FNIP1: variants seen among roughly 807,000 people sequenced by gnomAD.
FNIP1 encodes folliculin-interacting protein 1.
In FNIP1, 40 loss-of-function variants were observed where a neutral mutation model predicts 124.5. That is an observed-to-expected ratio of 0.32 (90% confidence interval 0.25 to 0.42). The LOEUF (loss-of-function observed/expected upper bound fraction) is 0.42, where lower values mean the gene tolerates loss of function less well. Ranked by LOEUF, FNIP1 falls within the 10% of genes least tolerant of loss-of-function variation. The probability of loss-of-function intolerance (pLI) is 1.00; values close to 1 mark genes in which losing one functional copy is unlikely to be tolerated. For missense variants in FNIP1, 1,176 were observed against 1,403.7 expected, an observed-to-expected ratio of 0.84 and a Z score of 2.59; for synonymous variants, 472 against 470.6, an observed-to-expected ratio of 1.00 and a Z score of -0.04.
intron 1 of FNIP1, among the ~76,000 whole-genome samples, chr5:131,780,447 T>C (rs540315852): frequency 6.6e-6 from 1 of 152,308 alleles, no homozygotes; most frequent in South Asian, 2.1e-4. Flanking sequence ...TATTGCACTT[T>C]GCAGATACCA....
At chr5:131,746,514 A>G (rs999644658) in intron 1 of FNIP1, among the ~76,000 whole-genome samples, 1 of 152,164 alleles carries the variant, frequency 6.6e-6, no homozygotes, top group Non-Finnish European at 1.5e-5. Context: ...CTTATAACTG[A>G]GAACATGCGG....
intron 11 of FNIP1, among the ~76,000 whole-genome samples, chr5:131,688,703 A>T (rs569568788): frequency 4.8e-5 from 1 of 20,962 alleles, no homozygotes; most frequent in African/African-American, 7.6e-5. Context: ...GCTAGCAATT[A>T]AAAAAAAAAA....
intron 15 of FNIP1, among the ~76,000 whole-genome samples, chr5:131,668,625 C>T (rs1767666507): frequency 6.6e-6 from 1 of 152,192 alleles, no homozygotes; most frequent in South Asian, 2.1e-4. Flanking sequence ...GCAGAAGTTA[C>T]TGTAAGCTGA....
intron 6 of FNIP1, among the ~76,000 whole-genome samples, chr5:131,711,995 G>A (rs1307891514): frequency 6.6e-6 from 1 of 151,884 alleles, no homozygotes; most frequent in Non-Finnish European, 1.5e-5. Flanking sequence ...TAAAACTTTT[G>A]TTTCCTAGAG....
chr5:131,676,045 A>G (rs972436288), intron 13 of FNIP1, among the ~76,000 whole-genome samples: 2 of 150,492 alleles, frequency 1.3e-5, no homozygotes, highest in South Asian at 4.2e-4. Flanking sequence ...TTTTTGAGAC[A>G]GAGTCTTGCA....
At chr5:131,700,285 A>G (rs1227532514) in intron 10 of FNIP1, among the ~76,000 whole-genome samples, 1 of 152,064 alleles carries the variant, frequency 6.6e-6, no homozygotes, top group Non-Finnish European at 1.5e-5. Flanking sequence ...CCTGGCCAAT[A>G]TTTGCTTTCT....
rs1317919562 is a variant in FNIP1, at chr5:131,679,023, T to C, written c.1349+6A>G. 3.1e-6 allele frequency: 5 copies of C among 1,591,584 alleles called. No homozygotes were observed. Among genetic ancestry groups the C allele is most frequent in the Non-Finnish European group, 4.3e-6 (5 of 1,166,812 alleles). ...AGATATCTAGTTATAATAAATAAAT[T>C]CATACTGATTTTTGGAAGCATTTTC... On this transcript the variant is annotated splice_donor_region_variant and intron_variant, in intron 12 of 17. Transcript: ENST00000510461.
chr5:131,785,081 T>TATATATATGACTATATATATATC (rs1772139373), intron 1 of FNIP1, among the ~76,000 whole-genome samples: 2 of 12,088 alleles, frequency 1.7e-4, no homozygotes, highest in East Asian at 8.2e-4. Context: ...ATATATGACA[T>TATATATATGACTATATATATATC]ATATATATGA....
At chr5:131,680,713 A>C (rs1768051953) in intron 11 of FNIP1, among the ~76,000 whole-genome samples, 1 of 152,214 alleles carries the variant, frequency 6.6e-6, no homozygotes, top group African/African-American at 2.4e-5. Context: ...TTAAGCCCAG[A>C]GTTCAAAACC....
At position 131,796,844 on chromosome 5, in the gene FNIP1, T is replaced by C; in HGVS notation, c.78A>G (p.Pro26=). Residue 26 remains proline, a synonymous_variant, in exon 1 of 18, where the codon CCA becomes CCG. Transcript: ENST00000510461. ...LGAPGRDARD[P]DCGFSWPLPE... The stretch of plus-strand genomic sequence containing the variant: ...CAGCGCCCTACCTGAACCCGCAATC[T>C]GGGTCCCGGGCGTCGCGGCCGGGCG... 2 of 1,597,158 alleles carry C rather than the reference T, an allele frequency of 1.3e-6. No homozygotes were observed. Among genetic ancestry groups the C allele is most frequent in the Non-Finnish European group, 1.7e-6 (2 of 1,172,568 alleles).
At chr5:131,754,484 C>T (rs1770979923) in intron 1 of FNIP1, among the ~76,000 whole-genome samples, 1 of 152,252 alleles carries the variant, frequency 6.6e-6, no homozygotes, top group South Asian at 2.1e-4. Flanking sequence ...GGCAGTCTTT[C>T]AGTCCATTAT....
At position 131,704,055 on chromosome 5, in the gene FNIP1, C is replaced by T. The variant is rs753157152; in HGVS notation, c.1116+10G>A. Reference sequence around the variant, plus strand: ...AAAAGGAAAATACATAAATAAATAACTATGCTTACCTGTTCTATTGCACTC... The same window carrying T: ...AAAAGGAAAATACATAAATAAATAATTATGCTTACCTGTTCTATTGCACTC... On this transcript the variant is annotated intron_variant, in intron 10 of 17. Coordinates refer to ENST00000510461, the MANE Select transcript of FNIP1 (RefSeq NM_133372.3). 2.9e-5 allele frequency: 45 copies of T among 1,565,498 alleles called. No individual in the cohort carries two copies. In the Middle Eastern group the frequency reaches 5.9e-4, roughly 21 times the overall value.
chr5:131,646,717 G>A (rs371292948), intron 17 of FNIP1, among the ~76,000 whole-genome samples: 6 of 152,144 alleles, frequency 3.9e-5, no homozygotes, highest in South Asian at 4.1e-4. Context: ...TATGGATAAC[G>A]TATTACCATC....
rs1561707545 is a variant in FNIP1 at position 131,785,050 on chromosome 5, TATATATATCATATATATGATATATATGAC to T, written c.92+11751_92+11779del. 6.6e-3 allele frequency among the ~76,000 whole-genome samples: 766 copies of T among 116,470 alleles called. 23 individuals are homozygous for T. The highest frequency in any genetic ancestry group is 9.2e-3 in the Non-Finnish European group (573 of 62,364). 76.4% of individuals were successfully genotyped at this position (116,470 alleles called of 152,430 possible). On this transcript the variant is annotated intron_variant, in intron 1 of 17. Transcript: ENST00000510461. Reference sequence around the variant, plus strand: ...ATGACATATATATGATATATATGACTATATATATCATATATATGATATATATGACATATATATATGATATATATGACTAT... The same window carrying T: ...ATGACATATATATGATATATATGACTATATATATATGATATATATGACTAT...
chr5:131,694,299 C>T (rs1368340082), intron 11 of FNIP1, among the ~76,000 whole-genome samples: 1 of 152,020 alleles, frequency 6.6e-6, no homozygotes, highest in Non-Finnish European at 1.5e-5. Context: ...TTTATAATCA[C>T]CAAAAACTAC....
intron 1 of FNIP1, among the ~76,000 whole-genome samples, chr5:131,788,072 CGGTTTGTATAAG>C (rs1436180559): frequency 1.3e-5 from 2 of 152,076 alleles, no homozygotes; most frequent in Non-Finnish European, 2.9e-5. Context: ...AAGGCATCAA[CGGTTTGTATAAG>C]GTGATGACAG....
chr5:131,708,301 A>C (rs1769181460), intron 8 of FNIP1, among the ~76,000 whole-genome samples: 1 of 152,220 alleles, frequency 6.6e-6, no homozygotes, highest in East Asian at 1.9e-4. Context: ...CTCAAAACTG[A>C]ATTACAAAAC....
chr5:131,792,992 C>T (rs912096108), intron 1 of FNIP1, among the ~76,000 whole-genome samples: 1 of 152,104 alleles, frequency 6.6e-6, no homozygotes, highest in Non-Finnish European at 1.5e-5. Context: ...TTCAAAACAA[C>T]CTTCTTTGCC....
At chr5:131,777,237 T>C (rs1172522455) in intron 1 of FNIP1, among the ~76,000 whole-genome samples, 1 of 152,018 alleles carries the variant, frequency 6.6e-6, no homozygotes, top group African/African-American at 2.4e-5. Flanking sequence ...CAAAATTTAA[T>C]TTGAATTGGA....
Sources: gnomAD v4.1 joint callset for allele counts (sites outside exome capture counted in the v4.1 genomes callset) on GRCh38, gnomAD v4.1.1 for gene constraint, MANE v1.5 for transcripts, NCBI Gene and HGNC (gene_info 2026-07-23, HGNC 2026-07-21) for gene names.